Variants in UBE2D2 observed in about 807,000 individuals in gnomAD.
The protein encoded by UBE2D2 is ubiquitin conjugating enzyme E2 D2, also known as ubiquitin-conjugating enzyme E2 D2.
In UBE2D2, 2 loss-of-function variants were observed where a neutral mutation model predicts 24.2. That is an observed-to-expected ratio of 0.08 (90% confidence interval 0.03 to 0.26). The LOEUF is 0.26. UBE2D2 is among the 10% of genes least tolerant of loss of function. UBE2D2 has a pLI of 1.00. For missense variants in UBE2D2, 44 were observed against 177.6 expected, an observed-to-expected ratio of 0.25 and a Z score of 4.28; for synonymous variants, 58 against 56.5, an observed-to-expected ratio of 1.03 and a Z score of -0.12.
chr5:139,617,296 A>G (rs1326883426), intron 5 of UBE2D2, among the ~76,000 whole-genome samples: 1 of 152,126 alleles, frequency 6.6e-6, no homozygotes, highest in Non-Finnish European at 1.5e-5. Flanking sequence ...AGTTACATAT[A>G]AAAGTATGTT....
At chr5:139,563,748 C>T (rs140295600) in intron 1 of UBE2D2, among the ~76,000 whole-genome samples, 3 of 152,140 alleles carry the variant, frequency 2.0e-5, no homozygotes, top group Admixed American at 2.0e-4. Context: ...CTGGCTAACA[C>T]GGTGAAACCC....
chr5:139,597,698 C>T (rs907527034), intron 1 of UBE2D2, among the ~76,000 whole-genome samples: 1 of 152,194 alleles, frequency 6.6e-6, no homozygotes, highest in African/African-American at 2.4e-5. Context: ...GTTGCTATAG[C>T]AATGTCTTAA....
chr5:139,586,147 ACTG>A (rs932456062), intron 1 of UBE2D2, among the ~76,000 whole-genome samples: 3 of 151,964 alleles, frequency 2.0e-5, no homozygotes, highest in African/African-American at 7.2e-5. Flanking sequence ...TAAAACCATA[ACTG>A]CTGTTGTGAA....
Position 139,541,472 on chromosome 5 carries a change from C to T in UBE2D2, c.-64+14860C>T, listed in dbSNP as rs377371823. On this transcript the variant is annotated intron_variant, in intron 1 of 6. Coordinates refer to the UBE2D2 transcript ENST00000511725. ...AAAATTAGCCAGGCATGGTGGTGGG[C>T]GCCTGTAATCCCAGCTACTCAGGAG... Among the ~76,000 whole-genome samples, 43 of 145,210 alleles carry T rather than the reference C, an allele frequency of 3.0e-4. No individual in the cohort carries two copies. In the East Asian group the frequency reaches 7.5e-3, roughly 25 times the overall value.
At chr5:139,555,095 G>T (rs1191224719) in intron 1 of UBE2D2, 1 of 151,672 alleles carries the variant, frequency 6.6e-6, no homozygotes, top group Non-Finnish European at 1.5e-5. Flanking sequence ...ACCCAGGCTG[G>T]AGTGCAATGG....
intron 2 of UBE2D2, among the ~76,000 whole-genome samples, chr5:139,610,584 C>T (rs549672286): frequency 2.7e-5 from 4 of 148,470 alleles, no homozygotes; most frequent in African/African-American, 7.5e-5. Context: ...GAAAAAAATC[C>T]AGGAGGGTCT....
intron 1 of UBE2D2, among the ~76,000 whole-genome samples, chr5:139,595,882 G>GTTTTTTTTT (rs1421028674): frequency 4.9e-5 from 6 of 121,770 alleles, no homozygotes; most frequent in African/African-American, 1.9e-4. Context: ...TTTTTTTTTT[G>GTTTTTTTTT]TTTTTTGTTG....
intron 1 of UBE2D2, among the ~76,000 whole-genome samples, chr5:139,550,132 A>C (rs1752888670): frequency 6.6e-6 from 1 of 151,964 alleles, no homozygotes. Context: ...GATTGTAAAT[A>C]CACCAATCAG....
chr5:139,564,999 T>C (rs562629616), intron 1 of UBE2D2, among the ~76,000 whole-genome samples: 1 of 152,206 alleles, frequency 6.6e-6, no homozygotes, highest in African/African-American at 2.4e-5. Context: ...CAGTTCTATC[T>C]TATCTTCTGT....
At chr5:139,537,834 G>A (rs1438265087) in intron 1 of UBE2D2, among the ~76,000 whole-genome samples, 1 of 151,664 alleles carries the variant, frequency 6.6e-6, no homozygotes, top group African/African-American at 2.4e-5. Context: ...CGTGTTGGTG[G>A]GCACCTGTAG....
chr5:139,536,709 C>G (rs1244371035), intron 1 of UBE2D2, among the ~76,000 whole-genome samples: 1 of 151,762 alleles, frequency 6.6e-6, no homozygotes, highest in Non-Finnish European at 1.5e-5. Flanking sequence ...AGGCTGGTCT[C>G]CAACTCCTGA....
At chr5:139,574,750 A>G (rs1447602860) in intron 1 of UBE2D2, among the ~76,000 whole-genome samples, 3 of 150,490 alleles carry the variant, frequency 2.0e-5, no homozygotes, top group Non-Finnish European at 4.4e-5. Context: ...AAAAAAAAAA[A>G]AAAGAAAAGA....
chr5:139,531,728 G>A (rs1378653858), intron 1 of UBE2D2, among the ~76,000 whole-genome samples: 1 of 152,042 alleles, frequency 6.6e-6, no homozygotes, highest in Non-Finnish European at 1.5e-5. Flanking sequence ...TTGGGAGGCC[G>A]AAGTGGGAGG....
At chr5:139,586,718 T>C (rs1323874986) in intron 1 of UBE2D2, among the ~76,000 whole-genome samples, 2 of 151,738 alleles carry the variant, frequency 1.3e-5, no homozygotes, top group Non-Finnish European at 2.9e-5. Flanking sequence ...TGAGCCAAGA[T>C]CTCGCCACTG....
intron 1 of UBE2D2, among the ~76,000 whole-genome samples, chr5:139,552,145 A>C (rs1752927540): frequency 6.6e-6 from 1 of 152,014 alleles, no homozygotes; most frequent in Non-Finnish European, 1.5e-5. Flanking sequence ...CCTCTAATAG[A>C]TAAGCTCTAA....
At chr5:139,558,048 A>G (rs1401449650), upstream of UBE2D2, among the ~76,000 whole-genome samples, 2 of 152,044 alleles carry the variant, frequency 1.3e-5, no homozygotes, top group Non-Finnish European at 2.9e-5. Context: ...GACGTGTACC[A>G]CTGCACTCCA....
chr5:139,542,195 C>T (rs913770481), intron 1 of UBE2D2, among the ~76,000 whole-genome samples: 1 of 152,020 alleles, frequency 6.6e-6, no homozygotes, highest in African/African-American at 2.4e-5. Flanking sequence ...TCAACAACAA[C>T]AACAAAAAGT....
At chr5:139,594,069 C>G (rs1410569951) in intron 1 of UBE2D2, among the ~76,000 whole-genome samples, 1 of 152,240 alleles carries the variant, frequency 6.6e-6, no homozygotes, top group Non-Finnish European at 1.5e-5. Flanking sequence ...TAACCTCTCT[C>G]AGTTTCCCAT....
chr5:139,540,545 C>CA (rs540123430), intron 1 of UBE2D2, among the ~76,000 whole-genome samples: 45,414 of 94,124 alleles, frequency 0.48, 10,790 homozygotes, highest in African/African-American at 0.72. Flanking sequence ...GACTCCATCT[C>CA]AAAAAAAAAA....
Sources: allele counts gnomAD v4.1 joint callset (sites outside exome capture counted in the v4.1 genomes callset), GRCh38; gene constraint gnomAD v4.1.1; transcripts MANE v1.5; gene names NCBI Gene and HGNC (gene_info 2026-07-23, HGNC 2026-07-21).